PPP1R16B: variants seen among roughly 807,000 people sequenced by gnomAD.
PPP1R16B encodes the protein protein phosphatase 1 regulatory inhibitor subunit 16B.
A neutral mutation model predicts 61.7 loss-of-function variants in PPP1R16B; 14 were observed. The observed-to-expected ratio is 0.23, with a 90% CI of 0.15 to 0.35. PPP1R16B has a LOEUF of 0.35. PPP1R16B is among the 10% of genes least tolerant of loss of function. The pLI, the probability that PPP1R16B is intolerant of heterozygous loss-of-function variation, is 1.00. For synonymous variants in PPP1R16B, 266 were observed against 305.3 expected (o/e 0.87, Z 1.34); for missense variants, 547 against 752.5 (o/e 0.73, Z 3.19).
intron 10 of PPP1R16B, among the ~76,000 whole-genome samples, chr20:38,909,831 G>C (rs948756450): frequency 6.6e-6 from 1 of 152,172 alleles, no homozygotes; most frequent in African/African-American, 2.4e-5. Context: ...GATTTGTTCT[G>C]CCTGGCCCCT....
chr20:38,823,943 GA>G (rs1453621182), intron 1 of PPP1R16B, among the ~76,000 whole-genome samples: 4 of 151,852 alleles, frequency 2.6e-5, no homozygotes, highest in African/African-American at 7.3e-5. Flanking sequence ...TTTTTAAGGA[GA>G]GGGGATATTA....
intron 1 of PPP1R16B, among the ~76,000 whole-genome samples, chr20:38,808,028 G>A (rs893053714): frequency 6.6e-6 from 1 of 152,202 alleles, no homozygotes; most frequent in Admixed American, 6.5e-5. Flanking sequence ...GTCATTTCAG[G>A]AGCTTGAGCC....
chr20:38,810,696 A>ACTGTCAAAGGTCTTTACTTGC lies in PPP1R16B; in HGVS notation c.-102+4905_-102+4925dup, dbSNP rs1178910915. ...CCAAGTGCATTTCTGGATGCTGGTCACTGTCAAAGGTCTTTACTTGCATCG... is the reference window on the plus strand; with the variant it reads ...CCAAGTGCATTTCTGGATGCTGGTCACTGTCAAAGGTCTTTACTTGCCTGTCAAAGGTCTTTACTTGCATCG... On this transcript the variant is annotated intron_variant, in intron 1 of 10. Transcript: ENST00000299824. Among the ~76,000 whole-genome samples, 29 of 152,328 alleles carry ACTGTCAAAGGTCTTTACTTGC rather than the reference A, an allele frequency of 1.9e-4. No homozygotes were observed. The East Asian group carries it at 5.6e-3, about 29-fold the overall frequency.
At chr20:38,860,813 G>A (rs1417605091) in intron 2 of PPP1R16B, among the ~76,000 whole-genome samples, 1 of 152,182 alleles carries the variant, frequency 6.6e-6, no homozygotes, top group Non-Finnish European at 1.5e-5. Flanking sequence ...GAGTAAGGTG[G>A]AAGAAATTTT....
intron 1 of PPP1R16B, among the ~76,000 whole-genome samples, chr20:38,820,760 C>T (rs113846416): frequency 2.6e-5 from 4 of 151,896 alleles, no homozygotes; most frequent in South Asian, 2.1e-4. Flanking sequence ...GAGCCAGGTG[C>T]GGTGGCTCAC....
intron 2 of PPP1R16B, among the ~76,000 whole-genome samples, chr20:38,844,876 A>G (rs2084927672): frequency 6.6e-6 from 1 of 152,192 alleles, no homozygotes; most frequent in Admixed American, 6.5e-5. Context: ...ATACCCTGAA[A>G]GAGTCTAGAG....
chr20:38,829,746 T>C (rs767768002), intron 1 of PPP1R16B, among the ~76,000 whole-genome samples: 10 of 152,224 alleles, frequency 6.6e-5, no homozygotes, highest in Non-Finnish European at 1.5e-4. Context: ...GCCACCCCGC[T>C]GCTGTGTTTG....
chr20:38,808,213 A>G (rs1357238055), intron 1 of PPP1R16B, among the ~76,000 whole-genome samples: 1 of 152,164 alleles, frequency 6.6e-6, no homozygotes, highest in Non-Finnish European at 1.5e-5. Context: ...TGCAGATGGG[A>G]AAACTGGGGC....
chr20:38,836,298 A>G (rs2084871941), intron 2 of PPP1R16B, 123 bp downstream of exon 2: 2 of 1,376,196 alleles, frequency 1.5e-6, no homozygotes, highest in Non-Finnish European at 1.9e-6. Context: ...TCCAAGTTCC[A>G]GCAGCCCCAT....
chr20:38,816,186 T>G lies in PPP1R16B; in HGVS notation c.-102+10394T>G, dbSNP rs568538806. Among the ~76,000 whole-genome samples the G allele has an allele frequency of 1.3e-4, 20 of 152,236 alleles. 1 individual carries two copies. In the South Asian group the frequency reaches 4.1e-3, roughly 32 times the overall value. The stretch of plus-strand genomic sequence containing the variant: ...TTTTAGAATAGTCTCTTTGGTAGTT[T>G]CCATGTTCACAAATAGGGTTTGTTT... On this transcript the variant is annotated intron_variant, in intron 1 of 10. Transcript: ENST00000299824.
intron 6 of PPP1R16B, 53 bp from the exon 7 acceptor site, chr20:38,905,915 CG>C: frequency 1.3e-6 from 2 of 1,565,414 alleles, no homozygotes. Flanking sequence ...GCTAGCCTAC[CG>C]TCAATGTGGG....
At chr20:38,900,359 AC>A (rs1471874499) in intron 4 of PPP1R16B, among the ~76,000 whole-genome samples, 2 of 152,124 alleles carry the variant, frequency 1.3e-5, no homozygotes, top group African/African-American at 4.8e-5. Flanking sequence ...CTGTCCTGGG[AC>A]TTTGGTCTCT....
At chr20:38,833,940 G>A (rs917767949) in intron 1 of PPP1R16B, among the ~76,000 whole-genome samples, 1 of 152,204 alleles carries the variant, frequency 6.6e-6, no homozygotes, top group Non-Finnish European at 1.5e-5. Flanking sequence ...CGACCCAGGA[G>A]ATTAACAACG....
chr20:38,834,678 T>A (rs1375386956), intron 1 of PPP1R16B, among the ~76,000 whole-genome samples: 1 of 152,186 alleles, frequency 6.6e-6, no homozygotes, highest in Non-Finnish European at 1.5e-5. Context: ...GTGGATTATA[T>A]CTGTCAATAT....
In PPP1R16B at chr20:38,900,794, C is replaced by T. The variant is rs1601303634; in HGVS notation, c.571+110C>T. 4 of 755,372 alleles carry T rather than the reference C, an allele frequency of 5.3e-6. No homozygotes were observed. In the East Asian group the frequency reaches 1.3e-4, roughly 25 times the overall value. 46.8% of individuals were successfully genotyped at this position (755,372 alleles called of 1,614,324 possible). A position where few individuals can be genotyped will look rare whatever the true frequency, so the allele number is the denominator to read the frequency against. ...GCTACGCATCGGCCTGCCTCGTGCGCTGTGCTCAGTGAATAGGATGGGTCC... is the reference window on the plus strand; with the variant it reads ...GCTACGCATCGGCCTGCCTCGTGCGTTGTGCTCAGTGAATAGGATGGGTCC... On this transcript the variant is annotated intron_variant, in intron 5 of 10. Coordinates refer to ENST00000299824, the MANE Select transcript of PPP1R16B (RefSeq NM_015568.4).
intron 1 of PPP1R16B, among the ~76,000 whole-genome samples, chr20:38,824,460 A>G (rs528031786): frequency 6.6e-6 from 1 of 152,298 alleles, no homozygotes; most frequent in East Asian, 1.9e-4. Flanking sequence ...GTTCCTTTAG[A>G]GATTTTCCCA....
chr20:38,835,817 T>C lies in PPP1R16B; in HGVS notation c.-101-8T>C. 7.6e-7 allele frequency: 1 copy of C among 1,309,080 alleles called. No individual in the cohort carries two copies. The allele number at this position is 1,309,080 out of a possible 1,614,324, so 81.1% of individuals were successfully genotyped here. On this transcript the variant is annotated splice_region_variant and splice_polypyrimidine_tract_variant and intron_variant, in intron 1 of 10. Transcript: ENST00000299824. ...ATGTGTTCATCTGTGTCTCCCTCCC[T>C]GCCACAGGCCACACCATGAGGCCCC...
chr20:38,862,441 A>G (rs149338945), intron 2 of PPP1R16B, among the ~76,000 whole-genome samples: 42 of 152,300 alleles, frequency 2.8e-4, no homozygotes, highest in African/African-American at 8.9e-4. Context: ...TTGAATTTTG[A>G]CTCAATATCA....
rs532235861 is a variant in PPP1R16B, at chr20:38,847,218, C to T, written c.250+11043C>T. Among the ~76,000 whole-genome samples, 20 of 152,288 alleles carry T rather than the reference C, an allele frequency of 1.3e-4. No homozygotes were observed. In the South Asian group the frequency reaches 2.5e-3, roughly 19 times the overall value. ...CAATGCTGGATGATGACATTGAAAA[C>T]ACACCTTTGCTGATATATTTGATAT... On this transcript the variant is annotated intron_variant, in intron 2 of 10. Coordinates refer to ENST00000299824, the MANE Select transcript of PPP1R16B (RefSeq NM_015568.4).
Sources: allele counts gnomAD v4.1 joint callset (sites outside exome capture counted in the v4.1 genomes callset), GRCh38; gene constraint gnomAD v4.1.1; transcripts MANE v1.5; gene names NCBI Gene and HGNC (gene_info 2026-07-23, HGNC 2026-07-21).